Variants in VMA22 observed in about 807,000 individuals in gnomAD.
VMA22 encodes the protein vacuolar ATPase assembly protein VMA22.
At chr2:130,340,867 G>A in the VMA22 span, 1 of 1,612,760 alleles carries the variant, frequency 6.2e-7, no homozygotes. Flanking sequence ...TGTGGATAGA[G>A]GGTCTGAGGG....
the VMA22 span, chr2:130,341,609 ATTT>A: frequency 3.6e-6 from 5 of 1,385,702 alleles, no homozygotes; most frequent in East Asian, 1.2e-4. Context: ...CATCTCCATA[ATTT>A]GCATTTTGTC....
chr2:130,340,779 G>T, the VMA22 span: 1 of 1,142,736 alleles, frequency 8.8e-7, no homozygotes, highest in Non-Finnish European at 1.3e-6. Flanking sequence ...GGTGTACAAC[G>T]GAAGTTTGGA....
At chr2:130,338,235 C>T in the VMA22 span, 1 of 152,138 alleles carries the variant, frequency 6.6e-6, no homozygotes, top group Non-Finnish European at 1.5e-5. Flanking sequence ...TCAAAAAACA[C>T]AAAAGTTGGG....
chr2:130,339,976 A>C, the VMA22 span: 480 of 519,672 alleles, frequency 9.2e-4, 2 homozygotes, highest in African/African-American at 8.6e-3. Context: ...CTCCAGATAC[A>C]TGTGCCCAAG....
chr2:130,341,549 GTTC>G, the VMA22 span: 30 of 841,254 alleles, frequency 3.6e-5, no homozygotes, highest in Admixed American at 8.3e-5. Context: ...AAAACATTCT[GTTC>G]TTCTGCTCTG....
the VMA22 span, chr2:130,341,801 G>GGGGCCCCCC: frequency 7.3e-7 from 1 of 1,378,132 alleles, no homozygotes; most frequent in Non-Finnish European, 9.9e-7. Context: ...CCTAGAACGC[G>GGGGCCCCCC]CCCGCCCGCC....
chr2:130,341,325 G>T, the VMA22 span: 4 of 546,084 alleles, frequency 7.3e-6, no homozygotes, highest in East Asian at 1.3e-4. Context: ...CATGCCAACA[G>T]ACCAGACATA....
the VMA22 span, chr2:130,339,136 T>C: frequency 6.2e-7 from 1 of 1,613,950 alleles, no homozygotes; most frequent in East Asian, 2.2e-5. Flanking sequence ...AGCCCCAGGC[T>C]CCAGCTGCTT....
At chr2:130,341,801 G>GGGCCGCCGCCCCCCCCC in the VMA22 span, 1 of 1,378,140 alleles carries the variant, frequency 7.3e-7, no homozygotes. Context: ...CCTAGAACGC[G>GGGCCGCCGCCCCCCCCC]CCCGCCCGCC....
At chr2:130,341,801 G>GACC in the VMA22 span, 5 of 1,378,138 alleles carry the variant, frequency 3.6e-6, no homozygotes, top group South Asian at 2.6e-5. Context: ...CCTAGAACGC[G>GACC]CCCGCCCGCC....
At chr2:130,339,095 G>A in the VMA22 span, 10 of 1,562,344 alleles carry the variant, frequency 6.4e-6, no homozygotes, top group African/African-American at 2.7e-5. Flanking sequence ...AGCTGTGCTC[G>A]CTGCCCTGCC....
the VMA22 span, chr2:130,341,067 G>A: frequency 1.9e-6 from 3 of 1,568,024 alleles, no homozygotes; most frequent in Non-Finnish European, 2.6e-6. Context: ...GGAGGAGGCT[G>A]GGATCTTACT....
At chr2:130,339,268 TA>T in the VMA22 span, 1 of 1,574,930 alleles carries the variant, frequency 6.3e-7, no homozygotes. Context: ...ATGGTATCTG[TA>T]GTGTAACACA....
At chr2:130,339,729 A>T in the VMA22 span, 1 of 1,304,298 alleles carries the variant, frequency 7.7e-7, no homozygotes, top group South Asian at 1.2e-5. Context: ...CACTCGCTCC[A>T]GGAAACACTT....
chr2:130,341,300 C>A, the VMA22 span: 1 of 556,312 alleles, frequency 1.8e-6, no homozygotes, highest in Non-Finnish European at 3.2e-6. Flanking sequence ...ACTGATCTTA[C>A]CCATTGTACC....
the VMA22 span, chr2:130,341,731 G>T: frequency 1.2e-6 from 2 of 1,611,456 alleles, no homozygotes; most frequent in Non-Finnish European, 8.5e-7. Flanking sequence ...TGAACTTCTG[G>T]AGTCCCTCCT....
chr2:130,338,743 G>A, the VMA22 span: 1 of 186,558 alleles, frequency 5.4e-6, no homozygotes, highest in South Asian at 1.0e-4. Flanking sequence ...ACAATTTGGA[G>A]GATGTACTAA....
chr2:130,339,109 T>C, the VMA22 span: 2 of 1,602,458 alleles, frequency 1.2e-6, no homozygotes, highest in East Asian at 2.2e-5. Context: ...CCCTGCCTCT[T>C]TGCGCGCATG....
the VMA22 span, chr2:130,341,177 G>T: frequency 9.9e-7 from 1 of 1,008,670 alleles, no homozygotes; most frequent in Non-Finnish European, 1.4e-6. Flanking sequence ...GGGGTTCCAG[G>T]AAACAGCTTA....
Sources: allele counts gnomAD v4.1 joint callset, GRCh38; gene constraint gnomAD v4.1.1; transcripts MANE v1.5; gene names NCBI Gene and HGNC (gene_info 2026-07-23, HGNC 2026-07-21).